Variants in PACSIN2 observed in about 807,000 individuals in gnomAD.
The protein encoded by PACSIN2 is protein kinase C and casein kinase substrate in neurons 2, also known as protein kinase C and casein kinase substrate in neurons protein 2.
PACSIN2 carries 25 observed loss-of-function variants against 63.8 expected under a neutral mutation model. The ratio of observed to expected loss-of-function variants is 0.39; its 90% CI spans 0.29 to 0.55. The LOEUF (loss-of-function observed/expected upper bound fraction) is 0.55, where lower values mean the gene tolerates loss of function less well. PACSIN2 is among the 20% of genes least tolerant of loss of function. The pLI is 0.62. For missense variants in PACSIN2, 518 were observed against 646.9 expected (o/e 0.80, Z 2.16); for synonymous variants, 255 against 256.2 (o/e 1.00, Z 0.05).
chr22:42,939,464 T>C (rs1339513815), intron 1 of PACSIN2, among the ~76,000 whole-genome samples: 1 of 152,146 alleles, frequency 6.6e-6, no homozygotes, highest in South Asian at 2.1e-4. Context: ...GAAAGAAGAA[T>C]GATTGGAAGT....
intron 1 of PACSIN2, among the ~76,000 whole-genome samples, chr22:42,918,351 T>C (rs1299084315): frequency 6.6e-6 from 1 of 152,228 alleles, no homozygotes; most frequent in Non-Finnish European, 1.5e-5. Flanking sequence ...CAAGCAAGAC[T>C]GCTCCACCTG....
At chr22:42,911,343 A>G (rs565821664) in intron 2 of PACSIN2, among the ~76,000 whole-genome samples, 2 of 151,554 alleles carry the variant, frequency 1.3e-5, no homozygotes, top group South Asian at 4.2e-4. Context: ...CCAGGAGATC[A>G]AGGCTTCAGT....
At chr22:42,959,932 C>T (rs769053256) in intron 1 of PACSIN2, 3 of 152,192 alleles carry the variant, frequency 2.0e-5, no homozygotes, top group South Asian at 2.1e-4. Context: ...TGTTGGCTGC[C>T]GAGATAAGGT....
chr22:42,933,133 T>C (rs554899334), intron 1 of PACSIN2, among the ~76,000 whole-genome samples: 3 of 152,224 alleles, frequency 2.0e-5, no homozygotes, highest in Non-Finnish European at 4.4e-5. Flanking sequence ...TCTATTATTA[T>C]CTTTATGTGT....
chr22:42,955,607 A>G (rs1375396520), intron 1 of PACSIN2, among the ~76,000 whole-genome samples: 1 of 152,220 alleles, frequency 6.6e-6, no homozygotes, highest in Non-Finnish European at 1.5e-5. Flanking sequence ...CACTGGGTAC[A>G]CCTAAGATTC....
chr22:42,990,761 C>T (rs1369923792), intron 1 of PACSIN2, among the ~76,000 whole-genome samples: 1 of 152,158 alleles, frequency 6.6e-6, no homozygotes, highest in East Asian at 1.9e-4. Flanking sequence ...ATTTTAATCT[C>T]AGACAGTCCG....
chr22:42,975,457 A>AACATATATAT (rs1555941391), intron 1 of PACSIN2, among the ~76,000 whole-genome samples: 1 of 140,734 alleles, frequency 7.1e-6, no homozygotes, highest in African/African-American at 2.8e-5. Flanking sequence ...AATATATACA[A>AACATATATAT]ATATATATAT....
Position 43,012,307 on chromosome 22 carries a change from C to CAAA in PACSIN2, c.-78+2711_-78+2713dup, listed in dbSNP as rs35192048. Reference sequence around the variant, plus strand: ...TTGAACCTGGGCAGAGACTCTCTCTCAAAAAAAAAAAAAAAAAAAAAGCAA... The same window carrying CAAA: ...TTGAACCTGGGCAGAGACTCTCTCTCAAAAAAAAAAAAAAAAAAAAAAAAGCAA... On this transcript the variant is annotated intron_variant, in intron 1 of 10. Transcript: ENST00000263246. Among the ~76,000 whole-genome samples, 9 of 51,798 alleles carry CAAA rather than the reference C, an allele frequency of 1.7e-4. 1 individual carries two copies. The highest frequency in any genetic ancestry group is 2.5e-4 in the Non-Finnish European group (7 of 27,958). 34.0% of individuals were successfully genotyped at this position (51,798 alleles called of 152,430 possible). A position where few individuals can be genotyped will look rare whatever the true frequency, so the allele number is the denominator to read the frequency against.
intron 1 of PACSIN2, among the ~76,000 whole-genome samples, chr22:42,963,846 A>AT (rs5845574): frequency 0.61 from 91,282 of 150,398 alleles, 28,290 homozygotes; most frequent in East Asian, 0.78. Flanking sequence ...AATTTCTACA[A>AT]TTTTTTTTTC....
chr22:42,881,399 G>C (rs1169703138), intron 7 of PACSIN2, among the ~76,000 whole-genome samples: 1 of 152,232 alleles, frequency 6.6e-6, no homozygotes, highest in African/African-American at 2.4e-5. Context: ...CAGGTGGTCA[G>C]AGGTGAGCAG....
intron 1 of PACSIN2, among the ~76,000 whole-genome samples, chr22:42,915,687 A>G (rs1931762831): frequency 6.6e-6 from 1 of 152,262 alleles, no homozygotes; most frequent in Non-Finnish European, 1.5e-5. Context: ...TAATTTAAGT[A>G]AAACAGAATT....
chr22:42,876,461 G>A (rs564613760), intron 9 of PACSIN2, 128 bp from the exon 10 acceptor site: 1 of 713,800 alleles, frequency 1.4e-6, no homozygotes, highest in African/African-American at 1.8e-5. Flanking sequence ...AAGGAGCACA[G>A]GTGGAGCCAG....
chr22:42,912,133 G>A lies in PACSIN2; in HGVS notation c.-53C>T, dbSNP rs555339332. On this transcript the variant is annotated 5_prime_UTR_variant, in exon 2 of 11. Transcript: ENST00000263246. ...GTATACTTAGTCAGGGGTCAACTTC[G>A]AACGCTCAAAATCTGTAGACAAACC... The A allele has an allele frequency of 2.0e-5, 26 of 1,295,666 alleles. No homozygotes were observed. Among genetic ancestry groups the A allele is most frequent in the East Asian group, 7.4e-5 (3 of 40,690 alleles). 80.3% of individuals were successfully genotyped at this position (1,295,666 alleles called of 1,614,324 possible). A position where few individuals can be genotyped will look rare whatever the true frequency, so the allele number is the denominator to read the frequency against.
intron 1 of PACSIN2, among the ~76,000 whole-genome samples, chr22:42,961,482 A>C (rs1934133314): frequency 1.3e-5 from 2 of 151,882 alleles, no homozygotes; most frequent in African/African-American, 4.8e-5. Flanking sequence ...TGTGTTTAGA[A>C]ATTCCTTAGG....
intron 2 of PACSIN2, among the ~76,000 whole-genome samples, chr22:42,904,395 G>T (rs1602216680): frequency 1.3e-5 from 2 of 152,336 alleles, no homozygotes; most frequent in Non-Finnish European, 1.5e-5. Flanking sequence ...TTTGGTATGT[G>T]GCTGCCGTTT....
chr22:42,988,893 T>G (rs1409174887), intron 1 of PACSIN2, among the ~76,000 whole-genome samples: 2 of 152,160 alleles, frequency 1.3e-5, no homozygotes, highest in Admixed American at 6.5e-5. Context: ...GAAATTTTTT[T>G]TTTTGTTTTT....
intron 1 of PACSIN2, among the ~76,000 whole-genome samples, chr22:42,934,152 C>A (rs1932840812): frequency 6.6e-6 from 1 of 152,228 alleles, no homozygotes; most frequent in African/African-American, 2.4e-5. Flanking sequence ...ATCTGAATAA[C>A]AACTTATATG....
Position 42,982,757 on chromosome 22 carries a change from C to T in PACSIN2, c.-78+32264G>A, listed in dbSNP as rs1922272240. On this transcript the variant is annotated intron_variant, in intron 1 of 10. Transcript: ENST00000263246. ...CTGCGGAAGGCTGCAGGGTCCTCTGCCTAGGAAAACCAGAGACCTTTGTTC... is the reference window on the plus strand; with the variant it reads ...CTGCGGAAGGCTGCAGGGTCCTCTGTCTAGGAAAACCAGAGACCTTTGTTC... Among the ~76,000 whole-genome samples, 3 of 138,858 alleles carry T rather than the reference C, an allele frequency of 2.2e-5. No homozygotes were observed. The Admixed American group carries it at 2.3e-4, about 11-fold the overall frequency. 91.1% of individuals were successfully genotyped at this position (138,858 alleles called of 152,430 possible).
In PACSIN2 at chr22:43,003,560, G is replaced by A. The variant is rs374273939; in HGVS notation, c.-78+11461C>T. Among the ~76,000 whole-genome samples the A allele has an allele frequency of 7.4e-4, 113 of 152,272 alleles. 1 individual carries two copies. The East Asian group carries it at 0.019, about 25-fold the overall frequency. On this transcript the variant is annotated intron_variant, in intron 1 of 10. Coordinates refer to ENST00000263246, the MANE Select transcript of PACSIN2 (RefSeq NM_001184970.3). ...GGAGCTTGCAGTGAGCCGAGATCGC[G>A]CCACTGCACTCCAGCCTGGGCGACA...
Sources: allele counts gnomAD v4.1 joint callset (sites outside exome capture counted in the v4.1 genomes callset), GRCh38; gene constraint gnomAD v4.1.1; transcripts MANE v1.5; gene names NCBI Gene and HGNC (gene_info 2026-07-23, HGNC 2026-07-21).